Variants in DKK2 observed in about 807,000 individuals in gnomAD.
The protein encoded by DKK2 is dickkopf-related protein 2.
A neutral mutation model predicts 28.1 loss-of-function variants in DKK2; 11 were observed. That is an observed-to-expected ratio of 0.39 (90% CI 0.25 to 0.65). The LOEUF (loss-of-function observed/expected upper bound fraction) is 0.65. Among genes scored for constraint, DKK2 ranks in the 30% least tolerant of loss-of-function variants. The pLI, the probability that DKK2 is intolerant of heterozygous loss-of-function variation, is 0.47. For synonymous variants in DKK2, 135 were observed against 126.5 expected, an observed-to-expected ratio of 1.07 and a Z score of -0.45; for missense variants, 326 against 335.5, an observed-to-expected ratio of 0.97 and a Z score of 0.22.
chr4:107,032,263 T>C (rs1723886288), intron 1 of DKK2, among the ~76,000 whole-genome samples: 2 of 152,034 alleles, frequency 1.3e-5, no homozygotes, highest in South Asian at 4.1e-4. Context: ...ACTCATACTG[T>C]GTTTTTGAAA....
At chr4:107,034,200 G>C (rs543458070) in intron 1 of DKK2, among the ~76,000 whole-genome samples, 1 of 152,264 alleles carries the variant, frequency 6.6e-6, no homozygotes, top group African/African-American at 2.4e-5. Context: ...CAGCCGGCTG[G>C]CTGCGCTGTG....
At chr4:106,994,491 CCACA>C (rs112978532) in intron 1 of DKK2, among the ~76,000 whole-genome samples, 4,981 of 145,746 alleles carry the variant, frequency 0.034, 138 homozygotes, top group African/African-American at 0.074. Context: ...CACATGTACA[CCACA>C]CACACACACA....
chr4:107,031,531 T>A (rs1037589307), intron 1 of DKK2, among the ~76,000 whole-genome samples: 38 of 151,998 alleles, frequency 2.5e-4, no homozygotes, highest in African/African-American at 8.7e-4. Flanking sequence ...CAAACCACTA[T>A]CCTTGAAGTG....
At chr4:106,974,979 T>C (rs900924432) in intron 1 of DKK2, among the ~76,000 whole-genome samples, 1 of 152,232 alleles carries the variant, frequency 6.6e-6, no homozygotes, top group African/African-American at 2.4e-5. Flanking sequence ...TGAAGGCCTT[T>C]CCTGCATTTA....
In DKK2 at chr4:107,035,440, G is replaced by A. The variant is rs866007990; in HGVS notation, c.152C>T (p.Ala51Val). 12 of 1,614,194 alleles carry A rather than the reference G, an allele frequency of 7.4e-6. No individual in the cohort carries two copies. The Middle Eastern group carries it at 2.0e-3, about 266-fold the overall frequency. ...TTGGTACATGCCCGCAGATCGATTGGCGGCCTGACCAGGCGTCTCCCCGCC... is the reference window on the plus strand; with the variant it reads ...TTGGTACATGCCCGCAGATCGATTGACGGCCTGACCAGGCGTCTCCCCGCC... ...SLGGETPGQAANRSAGMYQGL... is the reference protein window; with the variant it reads ...SLGGETPGQAVNRSAGMYQGL... The change falls in exon 1 of 4, where the codon GCC becomes GTC. Residue 51 changes from alanine (A) to valine (V), a missense_variant. Transcript: ENST00000285311.
At position 106,932,045 on chromosome 4, in the gene DKK2, G is replaced by A. The variant is rs563561467; in HGVS notation, c.223-6096C>T. Among the ~76,000 whole-genome samples, 46 of 152,200 alleles carry A rather than the reference G, an allele frequency of 3.0e-4. No homozygotes were observed. In the East Asian group the frequency reaches 8.7e-3, roughly 29 times the overall value. ...ATGGCAAAAAATTAATGTAAACCCA[G>A]GCATATTCCTTGAGAATTTTAAGAA... is the stretch of plus-strand genomic sequence containing the variant. On this transcript the variant is annotated intron_variant, in intron 1 of 3. Coordinates refer to ENST00000285311, the MANE Select transcript of DKK2 (RefSeq NM_014421.3).
chr4:106,934,507 A>C (rs1461329592), intron 1 of DKK2, among the ~76,000 whole-genome samples: 1 of 152,236 alleles, frequency 6.6e-6, no homozygotes, highest in African/African-American at 2.4e-5. Flanking sequence ...TAACATTCAA[A>C]TACATACACA....
chr4:106,961,414 C>T (rs894513083), intron 1 of DKK2, among the ~76,000 whole-genome samples: 1 of 151,934 alleles, frequency 6.6e-6, no homozygotes, highest in African/African-American at 2.4e-5. Flanking sequence ...ATTAATTTTC[C>T]TAAATTTTTA....
At chr4:106,958,755 T>C (rs1722641437) in intron 1 of DKK2, among the ~76,000 whole-genome samples, 1 of 148,188 alleles carries the variant, frequency 6.7e-6, no homozygotes, top group Non-Finnish European at 1.5e-5. Context: ...GAGAATCGCC[T>C]GAACCCCGAA....
At chr4:106,966,503 G>A (rs1722783257) in intron 1 of DKK2, among the ~76,000 whole-genome samples, 1 of 152,094 alleles carries the variant, frequency 6.6e-6, no homozygotes, top group African/African-American at 2.4e-5. Context: ...TAAATCTCAT[G>A]TGTTAGAAAC....
At chr4:106,935,191 C>T (rs1724562246) in intron 1 of DKK2, among the ~76,000 whole-genome samples, 2 of 152,186 alleles carry the variant, frequency 1.3e-5, no homozygotes, top group Admixed American at 6.5e-5. Context: ...TTCTGCATTT[C>T]CATCTGAGGT....
Position 106,934,058 on chromosome 4 carries a change from TACACAC to T in DKK2, c.223-8115_223-8110del, listed in dbSNP as rs148355721. ...ATATATACATCTGCATACACACAGA[TACACAC>T]ACACACACACACACACACACACATA... On this transcript the variant is annotated intron_variant, in intron 1 of 3. Transcript: ENST00000285311. Among the ~76,000 whole-genome samples the T allele has an allele frequency of 4.8e-3, 679 of 140,738 alleles. 4 individuals are homozygous for T. Among genetic ancestry groups the T allele is most frequent in the African/African-American group, 0.017 (642 of 38,690 alleles). 92.3% of individuals were successfully genotyped at this position (140,738 alleles called of 152,430 possible).
intron 1 of DKK2, among the ~76,000 whole-genome samples, chr4:107,027,050 A>G (rs1723790851): frequency 6.6e-6 from 1 of 152,174 alleles, no homozygotes; most frequent in South Asian, 2.1e-4. Context: ...AGAGAAAAAA[A>G]CAGAAACACC....
intron 1 of DKK2, among the ~76,000 whole-genome samples, chr4:106,992,540 G>A (rs1298091762): frequency 6.6e-6 from 1 of 152,164 alleles, no homozygotes; most frequent in Non-Finnish European, 1.5e-5. Flanking sequence ...GATAGGGATT[G>A]TATATGAAAA....
At chr4:106,985,112 G>A (rs935877585) in intron 1 of DKK2, among the ~76,000 whole-genome samples, 2 of 151,844 alleles carry the variant, frequency 1.3e-5, no homozygotes, top group Non-Finnish European at 2.9e-5. Flanking sequence ...GGCAGGCTGA[G>A]GCAGGAGAAT....
At chr4:107,028,033 T>G (rs1578383942) in intron 1 of DKK2, among the ~76,000 whole-genome samples, 1 of 152,174 alleles carries the variant, frequency 6.6e-6, no homozygotes, top group African/African-American at 2.4e-5. Context: ...ATTACAGGCG[T>G]GAGCCACCGC....
intron 1 of DKK2, among the ~76,000 whole-genome samples, chr4:106,959,080 A>C (rs1282142568): frequency 6.6e-6 from 1 of 152,120 alleles, no homozygotes; most frequent in Non-Finnish European, 1.5e-5. Context: ...TTTCTTAAAA[A>C]TTGATTATAT....
intron 1 of DKK2, among the ~76,000 whole-genome samples, chr4:106,997,880 A>G (rs1723298560): frequency 6.6e-6 from 1 of 152,180 alleles, no homozygotes; most frequent in South Asian, 2.1e-4. Context: ...ACAACTGACT[A>G]AATGTACCTA....
rs1465167814 is a variant in DKK2, at chr4:106,922,371, G to A, written c.*1583C>T. On this transcript the variant is annotated 3_prime_UTR_variant, in exon 4 of 4. Coordinates refer to ENST00000285311, the MANE Select transcript of DKK2 (RefSeq NM_014421.3). The stretch of plus-strand genomic sequence containing the variant: ...TAACCTTTTATTGTTTTGTGCTCCA[G>A]ACAAAGTATTTAGAACTGAGTTAAG... The A allele has an allele frequency of 6.6e-6, 1 of 152,174 alleles. No homozygotes were observed. Among genetic ancestry groups the A allele is most frequent in the Non-Finnish European group, 1.5e-5 (1 of 68,014 alleles). The allele number at this position is 152,174 out of a possible 1,614,324, so 9.4% of individuals were successfully genotyped here.
Sources: gnomAD v4.1 joint callset for allele counts (sites outside exome capture counted in the v4.1 genomes callset) on GRCh38, gnomAD v4.1.1 for gene constraint, MANE v1.5 for transcripts, NCBI Gene and HGNC (gene_info 2026-07-23, HGNC 2026-07-21) for gene names.